Variants in PLXNA1 observed in about 807,000 individuals in gnomAD.
The protein encoded by PLXNA1 is plexin-A1.
A neutral mutation model predicts 191.7 loss-of-function variants in PLXNA1; 77 were observed. That is an observed-to-expected ratio of 0.40 (90% CI 0.33 to 0.49). The LOEUF is 0.49. Among genes scored for constraint, PLXNA1 ranks in the 20% least tolerant of loss-of-function variants. The pLI, the probability that PLXNA1 is intolerant of heterozygous loss-of-function variation, is 0.63. For missense variants in PLXNA1, 2,110 were observed against 2,660.2 expected, an observed-to-expected ratio of 0.79 and a Z score of 4.55; for synonymous variants, 1,137 against 1,156.4, an observed-to-expected ratio of 0.98 and a Z score of 0.34.
At position 126,999,232 on chromosome 3, in the gene PLXNA1, C is replaced by T. The variant is rs565129441; in HGVS notation, c.1378-4098C>T. Among the ~76,000 whole-genome samples the T allele has an allele frequency of 9.8e-5, 15 of 152,336 alleles. No homozygotes were observed. The South Asian group carries it at 2.9e-3, about 29-fold the overall frequency. On this transcript the variant is annotated intron_variant, in intron 3 of 31. Transcript: ENST00000393409. ...CGGGCAGCCCTTCCTGGGGCCACCT[C>T]AGGCTGGGGACGGGTTTGGCAGCTG...
rs566251441 is a variant in PLXNA1, at chr3:126,985,086, C to G, written c.-74+1799C>G. On this transcript the variant is annotated intron_variant, in intron 1 of 31. Coordinates refer to ENST00000393409, the MANE Select transcript of PLXNA1 (RefSeq NM_032242.4). ...AGCCCCACACCCCAACCTGCCTGAG[C>G]CATAGCAGGATCTGGCGCAGGAGGA... Among the ~76,000 whole-genome samples, 13 of 152,282 alleles carry G rather than the reference C, an allele frequency of 8.5e-5. No homozygotes were observed. In the South Asian group the frequency reaches 2.3e-3, roughly 27 times the overall value.
rs75945701 is a variant in PLXNA1 at position 127,028,177 on chromosome 3, G to T, written c.4510-4G>T. The stretch of plus-strand genomic sequence containing the variant: ...GCTGCCCCCTTGCTCCACCCCGCCC[G>T]CAGACCCTGAACTGTGTGAACCCTG... On this transcript the variant is annotated splice_region_variant and splice_polypyrimidine_tract_variant and intron_variant, in intron 24 of 31. Coordinates refer to ENST00000393409, the MANE Select transcript of PLXNA1 (RefSeq NM_032242.4). The T allele has an allele frequency of 1.2e-6, 2 of 1,612,692 alleles. No homozygotes were observed. The highest frequency in any genetic ancestry group is 1.7e-6 in the Non-Finnish European group (2 of 1,179,606).
At chr3:126,983,616 C>T (rs1157196194) in intron 1 of PLXNA1, among the ~76,000 whole-genome samples, 2 of 148,206 alleles carry the variant, frequency 1.3e-5, no homozygotes, top group East Asian at 2.0e-4. Flanking sequence ...GCCTCCCCCG[C>T]CCCCCGGCCG....
chr3:127,020,344 G>A lies in PLXNA1; in HGVS notation c.4038G>A (p.Glu1346=). The change falls in exon 21 of 32, where the codon GAG becomes GAA. Residue 1346 remains glutamate, a splice_region_variant and synonymous_variant. Transcript: ENST00000393409. ...IEDHPVLKEM[E]VQANVEKSLT... ...ACCACCCTGTGCTCAAGGAGATGGA[G>A]GTAGGACCACTGGCTCCGGGGGGTC... The A allele has an allele frequency of 1.2e-6, 2 of 1,612,324 alleles. No homozygotes were observed. Among genetic ancestry groups the A allele is most frequent in the African/African-American group, 2.7e-5 (2 of 75,056 alleles).
At chr3:126,990,521 G>C (rs2078984992) in intron 2 of PLXNA1, among the ~76,000 whole-genome samples, 1 of 152,248 alleles carries the variant, frequency 6.6e-6, no homozygotes, top group African/African-American at 2.4e-5. Context: ...AGGGTGGAAA[G>C]TGAAGGGGCT....
At position 127,033,892 on chromosome 3, in the gene PLXNA1, G is replaced by C. The variant is rs747623151; in HGVS notation, c.5596-30G>C. On this transcript the variant is annotated intron_variant, in intron 31 of 31. Transcript: ENST00000393409. ...CTGAGTGCATGGAGGCTGGTGGCCC[G>C]GCATGCTGACAGTTCTCCTGGCCCT... The C allele has an allele frequency of 3.3e-5, 51 of 1,556,836 alleles. No individual in the cohort carries two copies. In the Middle Eastern group the frequency reaches 5.0e-4, roughly 15 times the overall value.
intron 1 of PLXNA1, among the ~76,000 whole-genome samples, chr3:126,985,288 C>T (rs2078952776): frequency 6.6e-6 from 1 of 152,108 alleles, no homozygotes; most frequent in Non-Finnish European, 1.5e-5. Flanking sequence ...GCTGGGGCTC[C>T]TGCACGCAGA....
At chr3:127,001,029 G>A (rs1350752326) in intron 3 of PLXNA1, among the ~76,000 whole-genome samples, 2 of 152,174 alleles carry the variant, frequency 1.3e-5, no homozygotes, top group African/African-American at 4.8e-5. Context: ...CTGGACGCGT[G>A]TGCTCCCGGC....
At chr3:127,029,165 A>C in intron 26 of PLXNA1, 69 bp downstream of exon 26, 1 of 1,247,990 alleles carries the variant, frequency 8.0e-7, no homozygotes, top group East Asian at 2.4e-5. Context: ...GCAGCCACCA[A>C]TGTTTGCAGC....
At chr3:127,013,466 A>T (rs1428124375) in intron 10 of PLXNA1, among the ~76,000 whole-genome samples, 1 of 152,160 alleles carries the variant, frequency 6.6e-6, no homozygotes, top group Non-Finnish European at 1.5e-5. Context: ...AAAGTGGGGC[A>T]CAGCTGGAGT....
intron 1 of PLXNA1, among the ~76,000 whole-genome samples, chr3:126,985,633 A>T (rs889838046): frequency 6.6e-6 from 1 of 152,010 alleles, no homozygotes; most frequent in African/African-American, 2.4e-5. Context: ...CTCCCCTCCT[A>T]GCCCCGGCAT....
At chr3:127,004,845 G>A in intron 5 of PLXNA1, 40 bp from the exon 6 acceptor site, 2 of 1,566,188 alleles carry the variant, frequency 1.3e-6, no homozygotes, top group East Asian at 4.5e-5. Flanking sequence ...GGGCCCCGTA[G>A]GTCTCCCCAT....
intron 23 of PLXNA1, chr3:127,027,648 G>T (rs1287927732): frequency 3.6e-6 from 2 of 557,726 alleles, no homozygotes; most frequent in African/African-American, 3.7e-5. Context: ...CCCTGATGCA[G>T]GTCCCGCGTG....
At chr3:127,002,305 C>T (rs1045479420) in intron 3 of PLXNA1, among the ~76,000 whole-genome samples, 12 of 152,206 alleles carry the variant, frequency 7.9e-5, no homozygotes, top group East Asian at 3.8e-4. Context: ...GGGGGGTGGC[C>T]GGCGGCGCTC....
chr3:127,004,029 G>A (rs2079053557), intron 4 of PLXNA1, among the ~76,000 whole-genome samples: 1 of 152,250 alleles, frequency 6.6e-6, no homozygotes. Context: ...CTGGAGGGTG[G>A]GCAGATGGGG....
chr3:126,985,492 C>T (rs148805944), intron 1 of PLXNA1, among the ~76,000 whole-genome samples: 1 of 151,872 alleles, frequency 6.6e-6, no homozygotes, highest in Admixed American at 6.6e-5. Context: ...TCCTCCTGTT[C>T]TGCCCCCCAC....
In PLXNA1 at chr3:126,991,694, G is replaced by A; in HGVS notation, c.1377+128G>A. The A allele has an allele frequency of 4.8e-6, 5 of 1,033,322 alleles. No homozygotes were observed. The South Asian group carries it at 9.0e-5, about 19-fold the overall frequency. 64.0% of individuals were successfully genotyped at this position (1,033,322 alleles called of 1,614,324 possible). On this transcript the variant is annotated intron_variant, in intron 3 of 31. Coordinates refer to ENST00000393409, the MANE Select transcript of PLXNA1 (RefSeq NM_032242.4). ...GCTAGATCTGGCGTACAGGGGGCAG[G>A]GGGAATGTTGCCCTACACTAGGCCC...
At position 127,011,981 on chromosome 3, in the gene PLXNA1, C is replaced by T. The variant is rs2079097923; in HGVS notation, c.2136C>T (p.Ser712=). 3 of 1,613,562 alleles carry T rather than the reference C, an allele frequency of 1.9e-6. No homozygotes were observed. The Admixed American group carries it at 5.0e-5, about 27-fold the overall frequency. ...VSEDCPQILP[S]TQIYVPVGVV... is the part of the protein sequence containing the mutation. ...AGGACTGCCCACAGATCCTGCCCTC[C>T]ACGCAGATCTACGTGCCAGTGGGAG... The change falls in exon 10 of 32, where the codon TCC becomes TCT. Residue 712 remains serine (S), a synonymous_variant. Coordinates refer to ENST00000393409, the MANE Select transcript of PLXNA1 (RefSeq NM_032242.4).
At chr3:127,032,908 C>A in intron 31 of PLXNA1, 72 bp downstream of exon 31, 1 of 1,481,466 alleles carries the variant, frequency 6.8e-7, no homozygotes, top group South Asian at 1.2e-5. Context: ...CCTGCTCTGC[C>A]CCGCCCTGCC....
Sources: gnomAD v4.1 joint callset for allele counts (sites outside exome capture counted in the v4.1 genomes callset) on GRCh38, gnomAD v4.1.1 for gene constraint, MANE v1.5 for transcripts, NCBI Gene and HGNC (gene_info 2026-07-23, HGNC 2026-07-21) for gene names.